Variants in ZNF273 observed in about 807,000 individuals in gnomAD.
ZNF273 encodes the protein zinc finger protein 9.
Under a neutral mutation model 14.9 loss-of-function variants are expected in ZNF273, and 11 were observed. The ratio of observed to expected loss-of-function variants is 0.74; its 90% CI spans 0.46 to 1.22. The LOEUF (loss-of-function observed/expected upper bound fraction) is 1.22, where lower values mean the gene tolerates loss of function less well. Among genes scored for constraint, ZNF273 ranks in the 50% most tolerant of loss-of-function variants. The pLI, the probability that ZNF273 is intolerant of heterozygous loss-of-function variation, is 0.00. For synonymous variants in ZNF273, 199 were observed against 223.9 expected (o/e 0.89, Z 0.99); for missense variants, 577 against 660.6 (o/e 0.87, Z 1.39).
chr7:64,898,346 G>C (rs565840588), upstream of ZNF273, among the ~76,000 whole-genome samples: 1 of 152,302 alleles, frequency 6.6e-6, no homozygotes, highest in African/African-American at 2.4e-5. Context: ...TTTTAATGAT[G>C]ACAGTGAAGA....
At chr7:64,904,355 G>T (rs564526614) in intron 1 of ZNF273, among the ~76,000 whole-genome samples, 2 of 152,222 alleles carry the variant, frequency 1.3e-5, no homozygotes, top group Non-Finnish European at 2.9e-5. Flanking sequence ...CTCCCAAAGT[G>T]CTAGGACTAC....
At chr7:64,932,566 A>G (rs543284474), downstream of ZNF273, among the ~76,000 whole-genome samples, 3 of 152,080 alleles carry the variant, frequency 2.0e-5, no homozygotes, top group Non-Finnish European at 4.4e-5. Context: ...CGCCTCCCAG[A>G]GTGCTGGGAT....
the ZNF273 span, among the ~76,000 whole-genome samples, chr7:64,936,204 G>T: frequency 1.3e-5 from 2 of 152,122 alleles, no homozygotes; most frequent in Admixed American, 6.5e-5. Context: ...ATTAGCAAAA[G>T]ATTTATTTTT....
At chr7:64,909,699 G>C (rs560420062) in intron 1 of ZNF273, among the ~76,000 whole-genome samples, 1 of 151,604 alleles carries the variant, frequency 6.6e-6, no homozygotes, top group Admixed American at 6.5e-5. Context: ...GGGGTATTCA[G>C]GTTGCTGAAT....
chr7:64,927,806 A>G lies in ZNF273; in HGVS notation c.478A>G (p.Lys160Glu), dbSNP rs1243444165. 6.2e-7 allele frequency: 1 copy of G among 1,614,042 alleles called. No homozygotes were observed. Among genetic ancestry groups the G allele is most frequent in the South Asian group, 1.1e-5 (1 of 91,050 alleles). Reference sequence around the variant, plus strand: ...AAGTGCGGATGAGCATAAGGTGCACAAAAGAGGTTATAATGGACTTAACCA... The same window carrying G: ...AAGTGCGGATGAGCATAAGGTGCACGAAAGAGGTTATAATGGACTTAACCA... ...CKSADEHKVHKRGYNGLNQCL... is the reference protein window; with the variant it reads ...CKSADEHKVHERGYNGLNQCL... Residue 160 changes from lysine (K) to glutamate (E), a missense_variant, in exon 4 of 4, where the codon AAA becomes GAA. Physicochemically the swap from Lys to Glu is moderately conservative, Grantham distance 56. Coordinates refer to ENST00000476120, the MANE Select transcript of ZNF273 (RefSeq NM_021148.3).
At chr7:64,882,322 C>A (rs1357300369), downstream of ZNF273, among the ~76,000 whole-genome samples, 2 of 82,478 alleles carry the variant, frequency 2.4e-5, no homozygotes, top group Non-Finnish European at 4.4e-5. Flanking sequence ...CCAGGGGGAG[C>A]CGACCACGGA....
At chr7:64,896,885 A>G (rs1792393933) in intron 3 of ZNF273, among the ~76,000 whole-genome samples, 2 of 152,248 alleles carry the variant, frequency 1.3e-5, no homozygotes, top group African/African-American at 4.8e-5. Flanking sequence ...CTCCTAAGGT[A>G]TGGAATCAAA....
At chr7:64,905,641 T>C (rs1793060207) in intron 1 of ZNF273, among the ~76,000 whole-genome samples, 2 of 152,212 alleles carry the variant, frequency 1.3e-5, no homozygotes, top group South Asian at 4.1e-4. Context: ...TCCAGTGAGA[T>C]GGTGCAAGAA....
At chr7:64,917,066 TA>T in intron 1 of ZNF273, 3 of 1,286,186 alleles carry the variant, frequency 2.3e-6, no homozygotes, top group Non-Finnish European at 3.0e-6. Context: ...CTCTTCCACT[TA>T]CTGGATGTTT....
chr7:64,899,808 T>C (rs1792578607), upstream of ZNF273, among the ~76,000 whole-genome samples: 1 of 151,356 alleles, frequency 6.6e-6, no homozygotes, highest in Non-Finnish European at 1.5e-5. Flanking sequence ...TTGCCCGGGC[T>C]GGAGTGCAAT....
upstream of ZNF273, among the ~76,000 whole-genome samples, chr7:64,898,983 C>T (rs1378481990): frequency 6.6e-6 from 1 of 152,170 alleles, no homozygotes; most frequent in Admixed American, 6.5e-5. Context: ...AATTGAGAGA[C>T]TAGATTTGCA....
chr7:64,880,930 C>T (rs1275963709), downstream of ZNF273, among the ~76,000 whole-genome samples: 1 of 152,176 alleles, frequency 6.6e-6, no homozygotes, highest in Non-Finnish European at 1.5e-5. Flanking sequence ...TCCATCGTCT[C>T]GGGATTTCAT....
downstream of ZNF273, among the ~76,000 whole-genome samples, chr7:64,932,926 CT>C (rs1483565813): frequency 6.6e-6 from 1 of 152,084 alleles, no homozygotes; most frequent in Non-Finnish European, 1.5e-5. Context: ...CTTCTGTTGA[CT>C]TGAAATTTGG....
At chr7:64,887,362 G>T (rs1196148417) in intron 1 of ZNF273, among the ~76,000 whole-genome samples, 2 of 150,124 alleles carry the variant, frequency 1.3e-5, no homozygotes, top group Non-Finnish European at 3.0e-5. Context: ...CCTTCCACGT[G>T]GGTCTCCCTC....
At chr7:64,891,754 A>G (rs557177239), downstream of ZNF273, among the ~76,000 whole-genome samples, 2 of 152,338 alleles carry the variant, frequency 1.3e-5, no homozygotes, top group Admixed American at 6.5e-5. Flanking sequence ...GACACAGAAA[A>G]GAGTGCCTTG....
downstream of ZNF273, among the ~76,000 whole-genome samples, chr7:64,931,976 G>A (rs1794999669): frequency 6.6e-6 from 1 of 152,054 alleles, no homozygotes; most frequent in Non-Finnish European, 1.5e-5. Context: ...TTCCAACAAT[G>A]TGTGCATCAC....
Position 64,917,663 on chromosome 7 carries a change from A to G in ZNF273, c.185A>G (p.Tyr62Cys). ...CTGGACACTTCACAGCAGAATTTGTATAGGAATGTGATGTTAGATAACTAC... is the reference window on the plus strand; with the variant it reads ...CTGGACACTTCACAGCAGAATTTGTGTAGGAATGTGATGTTAGATAACTAC... Reference protein sequence around the residue: ...QCLDTSQQNLYRNVMLDNYRN... With the variant: ...QCLDTSQQNLCRNVMLDNYRN... The change falls in exon 2 of 4, where the codon TAT becomes TGT. Residue 62 changes from tyrosine to cysteine, a missense_variant. Physicochemically the swap from Tyr to Cys is radical, Grantham distance 194. Around this residue, in one of 3 missense-constraint regions of ZNF273, gnomAD observed 162 missense variants for 203.5 expected, o/e 0.80. Coordinates refer to ENST00000476120, the MANE Select transcript of ZNF273 (RefSeq NM_021148.3). 6.3e-7 allele frequency: 1 copy of G among 1,599,634 alleles called. No individual in the cohort carries two copies. The highest frequency in any genetic ancestry group is 8.5e-7 in the Non-Finnish European group (1 of 1,170,970).
At chr7:64,886,609 T>A (rs1251291511) in intron 1 of ZNF273, among the ~76,000 whole-genome samples, 1 of 152,160 alleles carries the variant, frequency 6.6e-6, no homozygotes, top group Non-Finnish European at 1.5e-5. Flanking sequence ...CACTGTCATC[T>A]CACTTAACCC....
downstream of ZNF273, among the ~76,000 whole-genome samples, chr7:64,932,749 C>T (rs1439476221): frequency 6.6e-6 from 1 of 152,012 alleles, no homozygotes; most frequent in Non-Finnish European, 1.5e-5. Flanking sequence ...TGGTGAAACC[C>T]TGTCTTTACT....
Sources: gnomAD v4.1 joint callset for allele counts (sites outside exome capture counted in the v4.1 genomes callset) on GRCh38, gnomAD v4.1.1 for gene constraint, gnomAD v4.1.1 regional missense constraint, MANE v1.5 for transcripts, NCBI Gene and HGNC (gene_info 2026-07-23, HGNC 2026-07-21) for gene names.